EDA: variants seen among roughly 807,000 people sequenced by gnomAD.
EDA encodes the protein ectodysplasin A, also known as ectodysplasin-A.
EDA carries 2 observed loss-of-function variants against 23.6 expected under a neutral mutation model. The ratio of observed to expected loss-of-function variants is 0.08; its 90% CI spans 0.03 to 0.27. EDA has a LOEUF of 0.27. Ranked by LOEUF, EDA falls within the 10% of genes least tolerant of loss-of-function variation. The pLI, the probability that EDA is intolerant of heterozygous loss-of-function variation, is 1.00. For missense variants in EDA, 229 were observed against 324.2 expected (o/e 0.71, Z 2.26); for synonymous variants, 131 against 132.0 (o/e 0.99, Z 0.05).
intron 1 of EDA, among the ~76,000 whole-genome samples, chrX:69,744,645 C>A (rs139780439): frequency 0.016 from 1,749 of 111,824 alleles, 31 homozygotes; most frequent in African/African-American, 0.055. Context: ...AAATGGTATC[C>A]ATCTATTGGT....
intron 1 of EDA, among the ~76,000 whole-genome samples, chrX:69,893,427 T>C (rs964284562): frequency 8.9e-6 from 1 of 111,904 alleles, no homozygotes; most frequent in Non-Finnish European, 1.9e-5. Context: ...TACAACTCCA[T>C]TTTAAAGATA....
rs775718031 is a variant in EDA at position 69,869,610 on chromosome X, C to T, written c.397-87417C>T. Among the ~76,000 whole-genome samples, 3 of 111,613 alleles carry T rather than the reference C, an allele frequency of 2.7e-5. No homozygotes were observed. In the East Asian group the frequency reaches 8.5e-4, roughly 32 times the overall value. On this transcript the variant is annotated intron_variant, in intron 1 of 7. Transcript: ENST00000374552. ...CAAATTAGTTTTTTGTCCATTTGAC[C>T]TAGAAGTTTTCTGTTTGTGTAATTT...
chrX:69,720,711 C>T (rs1170147870), intron 1 of EDA, among the ~76,000 whole-genome samples: 2 of 112,091 alleles, frequency 1.8e-5, no homozygotes, highest in Non-Finnish European at 3.8e-5. Context: ...CATTTGGTTC[C>T]TTTTTTAATA....
intron 1 of EDA, among the ~76,000 whole-genome samples, chrX:69,834,948 G>C (rs1377108327): frequency 1.0e-5 from 1 of 96,030 alleles, no homozygotes; most frequent in African/African-American, 3.7e-5. Context: ...CTCTGTAAAG[G>C]ATTTAATTTC....
At position 69,734,942 on chromosome X, in the gene EDA, C is replaced by T. The variant is rs2013194775; in HGVS notation, c.396+118238C>T. Among the ~76,000 whole-genome samples, 5 of 110,908 alleles carry T rather than the reference C, an allele frequency of 4.5e-5. No individual in the cohort carries two copies. In the South Asian group the frequency reaches 1.9e-3, roughly 42 times the overall value. On this transcript the variant is annotated intron_variant, in intron 1 of 7. Coordinates refer to ENST00000374552, the MANE Select transcript of EDA (RefSeq NM_001399.5). ...TTGGTAGGATTCTAAAATGGTGCAA[C>T]CATTATGGAAAACAGGAAGGGGGTT...
At chrX:70,009,818 C>T (rs757439837) in intron 2 of EDA, among the ~76,000 whole-genome samples, 70 of 111,492 alleles carry the variant, frequency 6.3e-4, no homozygotes, top group Non-Finnish European at 6.0e-4. Flanking sequence ...AACTCCTGAC[C>T]TCAGGTGATC....
intron 1 of EDA, among the ~76,000 whole-genome samples, chrX:69,666,858 G>A (rs1021119210): frequency 8.9e-6 from 1 of 111,842 alleles, no homozygotes; most frequent in Non-Finnish European, 1.9e-5. Flanking sequence ...AGTTTAAGAA[G>A]TATTGGTGTT....
chrX:69,629,792 C>A (rs1012498401), intron 1 of EDA, among the ~76,000 whole-genome samples: 1 of 111,444 alleles, frequency 9.0e-6, no homozygotes, highest in African/African-American at 3.3e-5. Flanking sequence ...CTGCTGTATA[C>A]CTCTTGATTT....
chrX:69,729,209 C>G (rs1453524072), intron 1 of EDA: 1 of 111,315 alleles, frequency 9.0e-6, no homozygotes, highest in Non-Finnish European at 1.9e-5. Flanking sequence ...AGTTCCTACT[C>G]CCATACCTAT....
chrX:69,637,340 G>T (rs1191095317), intron 1 of EDA, among the ~76,000 whole-genome samples: 1 of 111,384 alleles, frequency 9.0e-6, no homozygotes, highest in Non-Finnish European at 1.9e-5. Context: ...TCAAAAAAAA[G>T]AAGGAATTAG....
At chrX:70,004,330 G>A (rs1055168772) in intron 2 of EDA, among the ~76,000 whole-genome samples, 1 of 111,721 alleles carries the variant, frequency 9.0e-6, no homozygotes, top group Non-Finnish European at 1.9e-5. Context: ...AAGCCATCTC[G>A]CCTAAGAAAT....
In EDA at chrX:70,035,797, AG is replaced by A. The variant is rs2020260175; in HGVS notation, c.*189del. On this transcript the variant is annotated 3_prime_UTR_variant, in exon 8 of 8. Transcript: ENST00000374552. ...TGCTTGACTTTCCAGAATGACCTTG[AG>A]TTAACAGGACAGTTGATGGAGCCCC... The A allele has an allele frequency of 2.0e-6, 1 of 504,274 alleles. No homozygotes were observed. The highest frequency in any genetic ancestry group is 2.4e-5 in the African/African-American group (1 of 41,310). 41.6% of individuals were successfully genotyped at this position (504,274 alleles called of 1,213,427 possible).
intron 2 of EDA, among the ~76,000 whole-genome samples, chrX:69,976,773 G>T (rs941852382): frequency 9.2e-6 from 1 of 108,542 alleles, no homozygotes; most frequent in Non-Finnish European, 1.9e-5. Context: ...GGGGAGGGGG[G>T]GTGGAAAAGG....
chrX:69,776,079 T>C (rs2014772762), intron 1 of EDA, among the ~76,000 whole-genome samples: 2 of 111,949 alleles, frequency 1.8e-5, no homozygotes, highest in Non-Finnish European at 3.8e-5. Flanking sequence ...TTTCTTATAA[T>C]GTATTAATGG....
At chrX:69,651,239 C>A (rs1345279507) in intron 1 of EDA, among the ~76,000 whole-genome samples, 1 of 111,430 alleles carries the variant, frequency 9.0e-6, no homozygotes, top group Non-Finnish European at 1.9e-5. Context: ...TTTATAGAAA[C>A]AATTAGTGCA....
At chrX:69,759,140 C>CT (rs887681248) in intron 1 of EDA, among the ~76,000 whole-genome samples, 1 of 112,003 alleles carries the variant, frequency 8.9e-6, no homozygotes, top group Non-Finnish European at 1.9e-5. Flanking sequence ...TAATGACTTT[C>CT]TTTTTTAAAC....
rs1046642253 is a variant in EDA at position 70,016,053 on chromosome X, A to G, written c.503-7165A>G. Among the ~76,000 whole-genome samples the G allele has an allele frequency of 4.5e-5, 5 of 110,712 alleles. No homozygotes were observed. The Admixed American group carries it at 4.8e-4, about 11-fold the overall frequency. On this transcript the variant is annotated intron_variant, in intron 2 of 7. Transcript: ENST00000374552. ...CCAAGCAAATGGAGAAAGAAAAAAA[A>G]AAACAAAAAAAAACAGGGATTGCTA...
In EDA at chrX:69,764,234, C is replaced by CTTTTTTTTTTTTT. The variant is rs1189179243; in HGVS notation, c.396+147544_396+147556dup. 1.2e-3 allele frequency among the ~76,000 whole-genome samples: 53 copies of CTTTTTTTTTTTTT among 44,569 alleles called. 8 individuals are homozygous for CTTTTTTTTTTTTT. The highest frequency in any genetic ancestry group is 2.5e-3 in the South Asian group (1 of 403). 38.7% of individuals were successfully genotyped at this position (44,569 alleles called of 115,157 possible). A position where few individuals can be genotyped will look rare whatever the true frequency, so the allele number is the denominator to read the frequency against. On this transcript the variant is annotated intron_variant, in intron 1 of 7. Transcript: ENST00000374552. ...CTACCACTCCCATTCATTTTTTATTCTTTTTTTTTTTTTTTTTTTTTTTTT... is the reference window on the plus strand; with the variant it reads ...CTACCACTCCCATTCATTTTTTATTCTTTTTTTTTTTTTTTTTTTTTTTTTTTTTTTTTTTTTT...
intron 2 of EDA, among the ~76,000 whole-genome samples, chrX:69,991,679 G>A (rs2019590767): frequency 9.0e-6 from 1 of 111,663 alleles, no homozygotes; most frequent in Non-Finnish European, 1.9e-5. Context: ...GATTCTGTAT[G>A]AGTCTTTGCC....
Sources: gnomAD v4.1 joint callset for allele counts (sites outside exome capture counted in the v4.1 genomes callset) on GRCh38, gnomAD v4.1.1 for gene constraint, MANE v1.5 for transcripts, NCBI Gene and HGNC (gene_info 2026-07-23, HGNC 2026-07-21) for gene names.